PPARGC1A: variants seen among roughly 807,000 people sequenced by gnomAD.
PPARGC1A encodes the protein PPARG coactivator 1 alpha, also known as peroxisome proliferator-activated receptor gamma coactivator 1-alpha.
A neutral mutation model predicts 88.7 loss-of-function variants in PPARGC1A; 25 were observed. The observed-to-expected ratio is 0.28, with a 90% CI of 0.21 to 0.39. PPARGC1A has a LOEUF of 0.39. PPARGC1A is among the 10% of genes least tolerant of loss of function. PPARGC1A has a pLI of 1.00. For missense variants in PPARGC1A, 880 were observed against 968.7 expected (o/e 0.91, Z 1.22); for synonymous variants, 363 against 355.6 (o/e 1.02, Z -0.24).
At chr4:24,314,452 C>T in the PPARGC1A span, among the ~76,000 whole-genome samples, 1 of 152,144 alleles carries the variant, frequency 6.6e-6, no homozygotes, top group African/African-American at 2.4e-5. Flanking sequence ...TTATACAATG[C>T]CATCTATAAG....
the PPARGC1A span, among the ~76,000 whole-genome samples, chr4:24,151,797 A>G: frequency 6.6e-6 from 1 of 152,190 alleles, no homozygotes; most frequent in Non-Finnish European, 1.5e-5. Context: ...CACAATCTCA[A>G]CTTAACACTA....
chr4:23,901,696 G>T (rs1560540043), upstream of PPARGC1A, among the ~76,000 whole-genome samples: 1 of 152,144 alleles, frequency 6.6e-6, no homozygotes, highest in Non-Finnish European at 1.5e-5. Context: ...CACACAGAGG[G>T]AAGAAGGGAA....
chr4:24,441,034 T>G, the PPARGC1A span, among the ~76,000 whole-genome samples: 1 of 152,078 alleles, frequency 6.6e-6, no homozygotes, highest in African/African-American at 2.4e-5. Flanking sequence ...TCCCCACCAT[T>G]CCCAAGCAAT....
At chr4:24,394,535 A>T in the PPARGC1A span, among the ~76,000 whole-genome samples, 105,543 of 152,214 alleles carry the variant, frequency 0.69, 37,422 homozygotes, top group Middle Eastern at 0.84. Flanking sequence ...AGAGAAGAGA[A>T]GAAAAGCTAA....
the PPARGC1A span, among the ~76,000 whole-genome samples, chr4:23,911,136 T>A: frequency 6.6e-6 from 1 of 152,004 alleles, no homozygotes; most frequent in Admixed American, 6.6e-5. Context: ...CAGGACATAG[T>A]GAAATGCAAC....
At chr4:24,054,542 T>C in the PPARGC1A span, among the ~76,000 whole-genome samples, 2 of 152,242 alleles carry the variant, frequency 1.3e-5, no homozygotes, top group Admixed American at 1.3e-4. Context: ...ATAAGTTACA[T>C]TGTAGTGTGG....
chr4:24,051,824 G>A, the PPARGC1A span, among the ~76,000 whole-genome samples: 1 of 152,056 alleles, frequency 6.6e-6, no homozygotes, highest in East Asian at 1.9e-4. Context: ...AGGTCATTCT[G>A]GGAGGTGAGA....
the PPARGC1A span, among the ~76,000 whole-genome samples, chr4:24,259,875 C>T: frequency 6.6e-6 from 1 of 152,122 alleles, no homozygotes; most frequent in East Asian, 1.9e-4. Flanking sequence ...TAAAACTCCA[C>T]AAAGACTCAG....
chr4:24,175,864 G>A, the PPARGC1A span, among the ~76,000 whole-genome samples: 7 of 151,834 alleles, frequency 4.6e-5, no homozygotes, highest in East Asian at 3.9e-4. Context: ...TTTCACTAGC[G>A]CTGTCATGAC....
At chr4:24,018,495 G>A in the PPARGC1A span, among the ~76,000 whole-genome samples, 12 of 151,870 alleles carry the variant, frequency 7.9e-5, no homozygotes, top group African/African-American at 1.7e-4. Flanking sequence ...TGAGGGTGAT[G>A]AGGGGGGGCA....
chr4:24,076,250 A>G, the PPARGC1A span, among the ~76,000 whole-genome samples: 2 of 152,106 alleles, frequency 1.3e-5, no homozygotes, highest in South Asian at 4.1e-4. Flanking sequence ...CATTTTACAG[A>G]TGAGAAAACC....
the PPARGC1A span, among the ~76,000 whole-genome samples, chr4:24,220,897 A>G: frequency 1.3e-5 from 2 of 152,210 alleles, no homozygotes; most frequent in Non-Finnish European, 1.5e-5. Flanking sequence ...TAATATGTCC[A>G]TTTGTTTTAC....
the PPARGC1A span, among the ~76,000 whole-genome samples, chr4:24,122,902 A>C: frequency 6.6e-6 from 1 of 152,216 alleles, no homozygotes; most frequent in African/African-American, 2.4e-5. Context: ...AGACACAAGA[A>C]GACCCCGGGA....
At chr4:24,405,893 C>T in the PPARGC1A span, among the ~76,000 whole-genome samples, 1 of 152,060 alleles carries the variant, frequency 6.6e-6, no homozygotes. Flanking sequence ...TTCCTCCTTT[C>T]CTTTCTTCTT....
the PPARGC1A span, among the ~76,000 whole-genome samples, chr4:24,457,520 T>C: frequency 1.4e-5 from 2 of 140,142 alleles, no homozygotes. Context: ...TAACAAAAGA[T>C]ACTGTTTTTT....
the PPARGC1A span, among the ~76,000 whole-genome samples, chr4:23,951,669 C>T: frequency 1.3e-5 from 2 of 152,140 alleles, no homozygotes; most frequent in Non-Finnish European, 2.9e-5. Context: ...CAAAAACCTA[C>T]ATCTGAGTTA....
chr4:24,415,618 G>A, the PPARGC1A span, among the ~76,000 whole-genome samples: 384 of 152,264 alleles, frequency 2.5e-3, 2 homozygotes, highest in African/African-American at 8.7e-3. Flanking sequence ...AATCCCATTT[G>A]TATGTGTTGC....
At chr4:24,203,350 C>T in the PPARGC1A span, among the ~76,000 whole-genome samples, 1 of 152,116 alleles carries the variant, frequency 6.6e-6, no homozygotes, top group African/African-American at 2.4e-5. Flanking sequence ...ACCAGTCTGG[C>T]CAACATGGTA....
the PPARGC1A span, among the ~76,000 whole-genome samples, chr4:24,056,818 G>A: frequency 6.6e-6 from 1 of 152,224 alleles, no homozygotes; most frequent in Non-Finnish European, 1.5e-5. Context: ...TGATGAGGAT[G>A]TGGTGAAATT....
Sources: gnomAD v4.1 joint callset for allele counts (sites outside exome capture counted in the v4.1 genomes callset) on GRCh38, gnomAD v4.1.1 for gene constraint, MANE v1.5 for transcripts, NCBI Gene and HGNC (gene_info 2026-07-23, HGNC 2026-07-21) for gene names.